Variants in ZC2HC1B observed in about 807,000 individuals in gnomAD.
ZC2HC1B encodes the protein zinc finger C2HC domain-containing protein 1B.
ZC2HC1B carries 36 observed loss-of-function variants against 31.0 expected under a neutral mutation model. The observed-to-expected ratio is 1.16, with a 90% CI of 0.89 to 1.54. The LOEUF (loss-of-function observed/expected upper bound fraction) is 1.54, where lower values mean the gene tolerates loss of function less well. Among genes scored for constraint, ZC2HC1B ranks in the 40% most tolerant of loss-of-function variants. The pLI is 0.00. For synonymous variants in ZC2HC1B, 73 were observed against 88.0 expected (o/e 0.83, Z 0.95); for missense variants, 260 against 268.6 (o/e 0.97, Z 0.22).
At chr6:143,893,286 GA>G (rs1403150023) in intron 4 of ZC2HC1B, among the ~76,000 whole-genome samples, 1 of 152,084 alleles carries the variant, frequency 6.6e-6, no homozygotes, top group Non-Finnish European at 1.5e-5. Flanking sequence ...TAAAATTAAA[GA>G]CTCTGACAAT....
rs1281710092 is a variant in ZC2HC1B, at chr6:143,905,733, ATTC to A, written c.598+2584_598+2586del. Among the ~76,000 whole-genome samples the A allele has an allele frequency of 6.6e-6, 1 of 152,002 alleles. No homozygotes were observed. The highest frequency in any genetic ancestry group is 2.4e-5 in the African/African-American group (1 of 41,368). ...TATTATGTTGAGGTAGTTTCCTTCT[ATTC>A]TTAGTTTGTTGAGTGTTTTTATCAT... is the stretch of plus-strand genomic sequence containing the variant. On this transcript the variant is annotated intron_variant, in intron 6 of 7. Transcript: ENST00000237275. This position sits in a 1 kb window ranked among gnomAD's most constrained non-coding sequence, Gnocchi z 4.2.
At chr6:143,878,678 G>T (rs1233562987) in intron 1 of ZC2HC1B, among the ~76,000 whole-genome samples, 1 of 137,166 alleles carries the variant, frequency 7.3e-6, no homozygotes, top group African/African-American at 2.7e-5. Context: ...ACAGAAACAT[G>T]CATAAAACAA....
intron 6 of ZC2HC1B, among the ~76,000 whole-genome samples, chr6:143,904,602 G>A (rs568586656): frequency 6.6e-6 from 1 of 152,250 alleles, no homozygotes; most frequent in East Asian, 1.9e-4. Context: ...TAAAATTTTA[G>A]TGAAGTCCAA....
At chr6:143,867,026 A>G (rs1472207622) in intron 1 of ZC2HC1B, among the ~76,000 whole-genome samples, 1 of 152,262 alleles carries the variant, frequency 6.6e-6, no homozygotes, top group Non-Finnish European at 1.5e-5. Context: ...GTGTATAAGT[A>G]CTTAATACAA....
intron 6 of ZC2HC1B, among the ~76,000 whole-genome samples, chr6:143,916,410 TCAGAGCCCCCACA>T (rs1306679384): frequency 1.3e-5 from 2 of 151,968 alleles, no homozygotes; most frequent in Non-Finnish European, 2.9e-5. Context: ...AAATGTGGGG[TCAGAGCCCCCACA>T]CAGAGTCCCT....
rs1777531453 is a variant in ZC2HC1B at position 143,886,521 on chromosome 6, T to C, written c.211-162T>C. Among the ~76,000 whole-genome samples, 1 of 152,216 alleles carries C rather than the reference T, an allele frequency of 6.6e-6. No homozygotes were observed. On this transcript the variant is annotated intron_variant, in intron 3 of 7. Transcript: ENST00000237275. This position sits in a 1 kb window ranked among gnomAD's most constrained non-coding sequence, Gnocchi z 4.2. ...TTGTGGCTTGCAAATTATATTACTG[T>C]ACTTTCCAAACCTCTTTAAGGAGTA...
chr6:143,866,577 C>T (rs536662144), intron 1 of ZC2HC1B, among the ~76,000 whole-genome samples: 24 of 152,324 alleles, frequency 1.6e-4, no homozygotes, highest in East Asian at 7.7e-4. Context: ...GTGCAGTTAC[C>T]GCTTGTGTCT....
chr6:143,919,217 CTGTGTGTGTGTGTGTG>C lies in ZC2HC1B; in HGVS notation c.598+16099_598+16114del, dbSNP rs71024878. 3.5e-4 allele frequency among the ~76,000 whole-genome samples: 43 copies of C among 123,698 alleles called. 1 individual carries two copies. In the South Asian group the frequency reaches 4.1e-3, roughly 12 times the overall value. The allele number at this position is 123,698 out of a possible 152,430, so 81.2% of individuals were successfully genotyped here. On this transcript the variant is annotated intron_variant, in intron 6 of 7. Transcript: ENST00000237275. ...TCCCTTCTGCAGGGTTTGCTATTCT[CTGTGTGTGTGTGTGTG>C]TGTGTGTGTGTGTGTGTGTGTGTGT...
In ZC2HC1B at chr6:143,903,015, T is replaced by C; in HGVS notation, c.490-29T>C. ...CTGAGGTTACATACAGAAGGTGTTC[T>C]CTTTGTCTCTTTCTTTCTCTCTCTG... On this transcript the variant is annotated intron_variant, in intron 5 of 7. Transcript: ENST00000237275. This position sits in a 1 kb window ranked among gnomAD's most constrained non-coding sequence, Gnocchi z 4.3. The C allele has an allele frequency of 6.5e-7, 1 of 1,549,028 alleles. No individual in the cohort carries two copies. The highest frequency in any genetic ancestry group is 8.7e-7 in the Non-Finnish European group (1 of 1,144,812).
intron 6 of ZC2HC1B, among the ~76,000 whole-genome samples, chr6:143,926,841 T>C (rs1422603949): frequency 2.1e-5 from 3 of 141,550 alleles, no homozygotes; most frequent in African/African-American, 2.7e-5. Context: ...TTTTTTTTTT[T>C]TTTTTTTTTT....
rs565093049 is a variant in ZC2HC1B, at chr6:143,930,051, T to G, written c.599-7598T>G. On this transcript the variant is annotated intron_variant, in intron 6 of 7. Transcript: ENST00000237275. ...TTCTTCAAATGAACAACTTTTTGTT[T>G]TGTTGATCTTTTGTATTGTGTTTTT... Among the ~76,000 whole-genome samples, 6 of 152,306 alleles carry G rather than the reference T, an allele frequency of 3.9e-5. No individual in the cohort carries two copies. The South Asian group carries it at 1.0e-3, about 26-fold the overall frequency.
chr6:143,909,322 G>T (rs1261280053), intron 6 of ZC2HC1B, among the ~76,000 whole-genome samples: 3 of 152,004 alleles, frequency 2.0e-5, no homozygotes, highest in Non-Finnish European at 4.4e-5. Flanking sequence ...ACATGAACCT[G>T]GGAGGCAGAG....
intron 1 of ZC2HC1B, among the ~76,000 whole-genome samples, chr6:143,880,765 G>C (rs535251528): frequency 6.6e-6 from 1 of 151,968 alleles, no homozygotes; most frequent in South Asian, 2.1e-4. Flanking sequence ...AAAGGCGTCA[G>C]ATTTGGCCCA....
chr6:143,892,319 G>A (rs995061645), intron 4 of ZC2HC1B, among the ~76,000 whole-genome samples: 7 of 150,060 alleles, frequency 4.7e-5, no homozygotes, highest in Non-Finnish European at 1.5e-5. Flanking sequence ...TTTTTCAGAG[G>A]GAGTCTCACT....
intron 6 of ZC2HC1B, among the ~76,000 whole-genome samples, chr6:143,936,210 A>G (rs1264811358): frequency 6.6e-6 from 1 of 152,208 alleles, no homozygotes; most frequent in Non-Finnish European, 1.5e-5. Flanking sequence ...GAAAACTTCT[A>G]ATACAAAAAG....
In ZC2HC1B at chr6:143,883,314, C is replaced by T. The variant is rs778782147; in HGVS notation, c.29-990C>T. ...TCAGCCTCCCATAGTGTTGGGATTA[C>T]AGGCGTGAGCCACCACACCTGACCC... On this transcript the variant is annotated intron_variant, in intron 1 of 7. Transcript: ENST00000237275. The surrounding 1 kb of genome is among the most constrained non-coding windows in gnomAD (Gnocchi z 4.1). Among the ~76,000 whole-genome samples, 4 of 152,204 alleles carry T rather than the reference C, an allele frequency of 2.6e-5. No individual in the cohort carries two copies. Among genetic ancestry groups the T allele is most frequent in the African/African-American group, 7.2e-5 (3 of 41,446 alleles).
intron 6 of ZC2HC1B, among the ~76,000 whole-genome samples, chr6:143,927,720 G>A (rs1445056073): frequency 6.6e-6 from 1 of 152,120 alleles, no homozygotes; most frequent in Non-Finnish European, 1.5e-5. Context: ...TCTCTATACT[G>A]TTTTCCATAG....
intron 1 of ZC2HC1B, among the ~76,000 whole-genome samples, chr6:143,867,884 T>C (rs1273854651): frequency 6.6e-6 from 1 of 152,196 alleles, no homozygotes; most frequent in Non-Finnish European, 1.5e-5. Context: ...AATTGCCTTT[T>C]CCTATATCTC....
chr6:143,925,028 T>C (rs1778018171), intron 6 of ZC2HC1B, among the ~76,000 whole-genome samples: 1 of 152,208 alleles, frequency 6.6e-6, no homozygotes, highest in African/African-American at 2.4e-5. Context: ...AATTTCCTCC[T>C]TTGAATTTTC....
Sources: gnomAD v4.1 joint callset for allele counts (sites outside exome capture counted in the v4.1 genomes callset) on GRCh38, gnomAD v4.1.1 for gene constraint, Gnocchi (gnomAD v3.1) non-coding constraint, MANE v1.5 for transcripts, NCBI Gene and HGNC (gene_info 2026-07-23, HGNC 2026-07-21) for gene names.